The following SIK3 variants were observed in gnomAD, a reference collection of about 807,000 sequenced individuals.
SIK3 encodes serine/threonine-protein kinase SIK3.
In SIK3, 28 loss-of-function variants were observed where a neutral mutation model predicts 144.2. The observed-to-expected ratio is 0.19, with a 90% CI of 0.14 to 0.27. The LOEUF (loss-of-function observed/expected upper bound fraction) is 0.27. Among genes scored for constraint, SIK3 ranks in the 10% least tolerant of loss-of-function variants. The pLI is 1.00. For synonymous variants in SIK3, 686 were observed against 676.3 expected, an observed-to-expected ratio of 1.01 and a Z score of -0.22; for missense variants, 1,319 against 1,776.0, an observed-to-expected ratio of 0.74 and a Z score of 4.62.
intron 1 of SIK3, among the ~76,000 whole-genome samples, chr11:116,999,109 T>TA (rs1477666388): frequency 6.6e-6 from 1 of 152,156 alleles, no homozygotes; most frequent in African/African-American, 2.4e-5. Context: ...GTATGAAAAA[T>TA]ATAGTTTCAC....
chr11:117,072,577 AC>A (rs1347628306), intron 1 of SIK3, among the ~76,000 whole-genome samples: 6 of 152,182 alleles, frequency 3.9e-5, no homozygotes, highest in African/African-American at 1.4e-4. Flanking sequence ...GCGAACCCAT[AC>A]CACTCGCTAA....
At chr11:116,855,056 A>G (rs539789372) in intron 21 of SIK3, among the ~76,000 whole-genome samples, 14 of 136,424 alleles carry the variant, frequency 1.0e-4, no homozygotes, top group African/African-American at 4.3e-4. Context: ...ACTGCACTCC[A>G]GCATGGGTGA....
chr11:116,948,117 T>C (rs2135347807), intron 3 of SIK3, among the ~76,000 whole-genome samples: 2 of 151,584 alleles, frequency 1.3e-5, no homozygotes, highest in South Asian at 4.2e-4. Context: ...CTATTTTTTT[T>C]TGTAGAGATG....
chr11:117,061,072 A>T (rs1443289817), intron 1 of SIK3, among the ~76,000 whole-genome samples: 2 of 151,982 alleles, frequency 1.3e-5, no homozygotes, highest in Non-Finnish European at 2.9e-5. Flanking sequence ...ACACAGTAAG[A>T]CCTCGTCTCT....
chr11:116,927,019 GAAA>G (rs34416738), intron 4 of SIK3, among the ~76,000 whole-genome samples, 197 bp downstream of exon 4: 2 of 110,742 alleles, frequency 1.8e-5, no homozygotes, highest in Admixed American at 1.9e-4. Flanking sequence ...ACTCAGTCTC[GAAA>G]AAAAAAAAAA....
At chr11:116,969,288 T>TAA (rs1949683096) in intron 1 of SIK3, among the ~76,000 whole-genome samples, 1 of 26,398 alleles carries the variant, frequency 3.8e-5, no homozygotes, top group Admixed American at 6.0e-4. Context: ...AGACTCCGTC[T>TAA]CAAAAAAAAA....
At chr11:117,014,994 G>C (rs1951458685) in intron 1 of SIK3, among the ~76,000 whole-genome samples, 1 of 152,138 alleles carries the variant, frequency 6.6e-6, no homozygotes, top group South Asian at 2.1e-4. Flanking sequence ...AGCCCAGGAA[G>C]TTGAGGCTGT....
chr11:116,866,661 C>G (rs941803747), intron 15 of SIK3, among the ~76,000 whole-genome samples: 6 of 152,042 alleles, frequency 3.9e-5, no homozygotes, highest in African/African-American at 7.2e-5. Flanking sequence ...AGGCTGGTCT[C>G]GAACTCCTGA....
rs955150529 is a variant in SIK3, at chr11:116,849,951, C to T, written c.3656-668G>A. On this transcript the variant is annotated intron_variant, in intron 21 of 24. Coordinates refer to ENST00000445177, the MANE Select transcript of SIK3 (RefSeq NM_001366686.3). The surrounding 1 kb of genome is among the most constrained non-coding windows in gnomAD (Gnocchi z 4.2). ...AGGTATCTTTCCCTGGATATCTAACCAGCATGTAACACTTACCATGTCCAA... is the reference window on the plus strand; with the variant it reads ...AGGTATCTTTCCCTGGATATCTAACTAGCATGTAACACTTACCATGTCCAA... Among the ~76,000 whole-genome samples, 2 of 152,188 alleles carry T rather than the reference C, an allele frequency of 1.3e-5. No individual in the cohort carries two copies. Among genetic ancestry groups the T allele is most frequent in the Admixed American group, 6.5e-5 (1 of 15,280 alleles).
Position 116,859,376 on chromosome 11 carries a change from G to C in SIK3, c.2654C>G (p.Pro885Arg). The part of the protein sequence containing the change: ...GSSGRGISIS[P>R]SAGQMQMQHR... ...CTGCATCTGCATCTGACCAGCACTG[G>C]GGCTGATGGAGATGCCGCGCCCACT... Residue 885 changes from proline to arginine, a missense_variant, in exon 20 of 25, where the codon CCC becomes CGC. Transcript: ENST00000445177. The C allele has an allele frequency of 6.2e-7, 1 of 1,614,194 alleles. No homozygotes were observed. The highest frequency in any genetic ancestry group is 1.1e-5 in the South Asian group (1 of 91,086).
intron 1 of SIK3, among the ~76,000 whole-genome samples, chr11:116,994,942 C>T (rs1036032343): frequency 4.6e-5 from 7 of 151,330 alleles, no homozygotes; most frequent in Non-Finnish European, 7.4e-5. Context: ...CTCACCTCTA[C>T]TTTCACTCCT....
intron 4 of SIK3, among the ~76,000 whole-genome samples, chr11:116,919,412 ATT>A (rs1946839388): frequency 6.6e-6 from 1 of 152,114 alleles, no homozygotes; most frequent in African/African-American, 2.4e-5. Flanking sequence ...CTATAGTTGC[ATT>A]TCTGATCTTT....
intron 3 of SIK3, among the ~76,000 whole-genome samples, chr11:116,933,040 G>A (rs1263353817): frequency 6.6e-6 from 1 of 151,986 alleles, no homozygotes. Context: ...CAAAGTGTTG[G>A]GATTACAGGC....
chr11:116,857,628 T>G, intron 21 of SIK3, 182 bp downstream of exon 21: 5 of 982,154 alleles, frequency 5.1e-6, no homozygotes, highest in Non-Finnish European at 7.2e-6. Context: ...CCTTTGATTT[T>G]GAAAATGGAC....
intron 1 of SIK3, among the ~76,000 whole-genome samples, chr11:116,969,221 C>T (rs896027801): frequency 1.5e-5 from 2 of 134,036 alleles, no homozygotes; most frequent in Admixed American, 8.9e-5. Flanking sequence ...ACCCAGGAGG[C>T]GGAGCTTGCA....
At chr11:116,896,485 AC>A in intron 5 of SIK3, 109 bp from the exon 6 acceptor site, 1 of 1,221,364 alleles carries the variant, frequency 8.2e-7, no homozygotes, top group Non-Finnish European at 1.1e-6. Flanking sequence ...CGATTATGGA[AC>A]AAACTTTTTC....
chr11:117,006,128 T>C (rs1457583015), intron 1 of SIK3, among the ~76,000 whole-genome samples: 2 of 152,188 alleles, frequency 1.3e-5, no homozygotes, highest in East Asian at 1.9e-4. Context: ...ACAAATGAGT[T>C]TGAATACACA....
intron 1 of SIK3, among the ~76,000 whole-genome samples, chr11:117,004,091 C>G (rs1298009166): frequency 6.6e-6 from 1 of 152,158 alleles, no homozygotes; most frequent in African/African-American, 2.4e-5. Context: ...ATCATCTGAT[C>G]ATCCACTGAT....
At chr11:117,093,173 A>C (rs748295290) in intron 1 of SIK3, among the ~76,000 whole-genome samples, 19 of 152,214 alleles carry the variant, frequency 1.2e-4, no homozygotes, top group Non-Finnish European at 2.5e-4. Context: ...TTTCTTTTTG[A>C]CATAATTCTC....
Sources: allele counts gnomAD v4.1 joint callset (sites outside exome capture counted in the v4.1 genomes callset), GRCh38; gene constraint gnomAD v4.1.1; non-coding constraint Gnocchi (gnomAD v3.1); transcripts MANE v1.5; gene names NCBI Gene and HGNC (gene_info 2026-07-23, HGNC 2026-07-21).